SCAI: variants seen among roughly 807,000 people sequenced by gnomAD.
The protein encoded by SCAI is protein SCAI.
SCAI carries 24 observed loss-of-function variants against 92.2 expected under a neutral mutation model. That is an observed-to-expected ratio of 0.26 (90% confidence interval 0.19 to 0.37). The LOEUF (loss-of-function observed/expected upper bound fraction) is 0.37, where lower values mean the gene tolerates loss of function less well. SCAI is among the 10% of genes least tolerant of loss of function. SCAI has a pLI of 1.00. For missense variants in SCAI, 450 were observed against 736.2 expected, an observed-to-expected ratio of 0.61 and a Z score of 4.50; for synonymous variants, 261 against 258.6, an observed-to-expected ratio of 1.01 and a Z score of -0.09.
At chr9:125,004,779 ATTTTTTTTTT>A (rs869167558) in intron 9 of SCAI, among the ~76,000 whole-genome samples, 1 of 13,172 alleles carries the variant, frequency 7.6e-5, no homozygotes, top group African/African-American at 2.4e-4. Flanking sequence ...ATATATATAT[ATTTTTTTTTT>A]TTTTTTTTTT....
At chr9:124,977,160 C>G (rs1301497613) in intron 14 of SCAI, among the ~76,000 whole-genome samples, 1 of 152,116 alleles carries the variant, frequency 6.6e-6, no homozygotes, top group African/African-American at 2.4e-5. Flanking sequence ...TGAGCCAGCA[C>G]GCCCAGCCAA....
At chr9:125,056,088 T>A in intron 2 of SCAI, 81 bp from the exon 3 acceptor site, 1 of 1,007,424 alleles carries the variant, frequency 9.9e-7, no homozygotes, top group Admixed American at 2.8e-5. Context: ...TCTGATAGTA[T>A]TTTTTATCCA....
At chr9:125,063,552 T>C (rs1013642839) in intron 2 of SCAI, among the ~76,000 whole-genome samples, 5 of 152,100 alleles carry the variant, frequency 3.3e-5, no homozygotes, top group African/African-American at 1.2e-4. Flanking sequence ...GAAAAAAAAC[T>C]GATACATGAG....
intron 3 of SCAI, among the ~76,000 whole-genome samples, chr9:125,033,188 A>C (rs886205168): frequency 1.3e-5 from 2 of 151,688 alleles, no homozygotes; most frequent in African/African-American, 4.8e-5. Flanking sequence ...ACACAGCAAG[A>C]CTCCATCTCC....
At chr9:125,084,057 G>C (rs1161217613) in intron 2 of SCAI, among the ~76,000 whole-genome samples, 1 of 151,598 alleles carries the variant, frequency 6.6e-6, no homozygotes, top group Non-Finnish European at 1.5e-5. Context: ...TTGGTGTACG[G>C]AGGAACGAGA....
At chr9:125,043,662 C>A (rs1322918508) in intron 3 of SCAI, among the ~76,000 whole-genome samples, 1 of 152,154 alleles carries the variant, frequency 6.6e-6, no homozygotes, top group Non-Finnish European at 1.5e-5. Flanking sequence ...ACTCTGTTGT[C>A]CAAGCTGGAG....
chr9:125,096,370 A>T (rs1451134383), intron 2 of SCAI, among the ~76,000 whole-genome samples: 1 of 152,176 alleles, frequency 6.6e-6, no homozygotes, highest in Non-Finnish European at 1.5e-5. Flanking sequence ...CACAACACAA[A>T]GGAATTCAAG....
chr9:125,008,165 G>C (rs1813709047), intron 9 of SCAI, among the ~76,000 whole-genome samples: 1 of 151,048 alleles, frequency 6.6e-6, no homozygotes, highest in Non-Finnish European at 1.5e-5. Context: ...TTCTTTTTGA[G>C]ACAGAGTCTC....
chr9:124,981,914 G>A (rs902347790), intron 14 of SCAI, among the ~76,000 whole-genome samples: 4 of 151,986 alleles, frequency 2.6e-5, no homozygotes, highest in Non-Finnish European at 4.4e-5. Flanking sequence ...CAAAGTGCTG[G>A]GATTACAGAC....
At chr9:125,128,581 G>A (rs558782925) in intron 2 of SCAI, among the ~76,000 whole-genome samples, 87 of 151,196 alleles carry the variant, frequency 5.8e-4, no homozygotes, top group African/African-American at 1.8e-3. Flanking sequence ...GTGAAATGCC[G>A]TCTCTACTAA....
intron 12 of SCAI, among the ~76,000 whole-genome samples, chr9:125,001,459 T>C (rs1832359895): frequency 1.3e-5 from 2 of 152,162 alleles, no homozygotes. Flanking sequence ...ATTGAATCCA[T>C]AAAACAAAAT....
intron 2 of SCAI, among the ~76,000 whole-genome samples, chr9:125,138,975 T>C (rs894978373): frequency 3.3e-5 from 5 of 151,960 alleles, no homozygotes; most frequent in Non-Finnish European, 5.9e-5. Flanking sequence ...TTCATGTAAG[T>C]GTATGTACAG....
At chr9:125,083,517 C>CAAAAAA (rs560240303) in intron 2 of SCAI, among the ~76,000 whole-genome samples, 2 of 49,144 alleles carry the variant, frequency 4.1e-5, no homozygotes, top group African/African-American at 7.0e-5. Context: ...GACTCCATCT[C>CAAAAAA]AAAAAAAAAA....
At chr9:125,070,024 TTAA>T (rs1833949838) in intron 2 of SCAI, among the ~76,000 whole-genome samples, 1 of 152,166 alleles carries the variant, frequency 6.6e-6, no homozygotes, top group African/African-American at 2.4e-5. Context: ...AAATGGAATA[TTAA>T]TAATACCTAG....
Position 125,018,948 on chromosome 9 carries a change from C to G in SCAI, c.712G>C (p.Asp238His), listed in dbSNP as rs1292085794. 1.2e-6 allele frequency: 2 copies of G among 1,610,606 alleles called. No homozygotes were observed. Among genetic ancestry groups the G allele is most frequent in the Non-Finnish European group, 1.7e-6 (2 of 1,179,200 alleles). ...TCATCATTTAATACCATTACAGGAT[C>G]CGCCTAAAGAAAAAAGCAATAAGAA... ...LQEVAAFIEA[D>H]PVMVLNDDNT... The change falls in exon 9 of 18, where the codon GAT (aspartate) becomes CAT (histidine). Residue 238 changes from aspartate (D) to histidine (H), a missense_variant. By Grantham distance (81) the Asp-to-His change is moderately conservative. Coordinates refer to ENST00000336505, the MANE Select transcript of SCAI (RefSeq NM_001144877.3).
chr9:125,143,502 G>A lies in SCAI; in HGVS notation c.-65C>T. On this transcript the variant is annotated 5_prime_UTR_variant, in exon 1 of 18. Coordinates refer to ENST00000336505, the MANE Select transcript of SCAI (RefSeq NM_001144877.3). ...CAGGGCTCGCTCGGGAAGCTGAGGCGGCGGAGGCTGGAGTAGGCGGAGAGG... is the reference window on the plus strand; with the variant it reads ...CAGGGCTCGCTCGGGAAGCTGAGGCAGCGGAGGCTGGAGTAGGCGGAGAGG... 1 of 1,283,262 alleles carries A rather than the reference G, an allele frequency of 7.8e-7. No homozygotes were observed. Among genetic ancestry groups the A allele is most frequent in the Non-Finnish European group, 9.9e-7 (1 of 1,007,454 alleles). 79.5% of individuals were successfully genotyped at this position (1,283,262 alleles called of 1,614,324 possible). A position where few individuals can be genotyped will look rare whatever the true frequency, so the allele number is the denominator to read the frequency against.
intron 2 of SCAI, among the ~76,000 whole-genome samples, chr9:125,128,246 G>A (rs531856785): frequency 9.2e-5 from 14 of 152,220 alleles, no homozygotes; most frequent in South Asian, 8.3e-4. Context: ...GAGCCCAGGC[G>A]TTCAAGGTGC....
At chr9:124,977,691 A>G (rs1245040783) in intron 14 of SCAI, among the ~76,000 whole-genome samples, 1 of 152,204 alleles carries the variant, frequency 6.6e-6, no homozygotes, top group East Asian at 1.9e-4. Flanking sequence ...AAAACAAAAC[A>G]AAACAAAACA....
intron 14 of SCAI, among the ~76,000 whole-genome samples, chr9:124,985,654 G>C (rs1278016566): frequency 6.6e-6 from 1 of 151,818 alleles, no homozygotes; most frequent in Non-Finnish European, 1.5e-5. Flanking sequence ...GATCACCTGA[G>C]GTTGGGAGTT....
Sources: gnomAD v4.1 joint callset for allele counts (sites outside exome capture counted in the v4.1 genomes callset) on GRCh38, gnomAD v4.1.1 for gene constraint, MANE v1.5 for transcripts, NCBI Gene and HGNC (gene_info 2026-07-23, HGNC 2026-07-21) for gene names.